FBXL13: variants seen among roughly 807,000 people sequenced by gnomAD.
FBXL13 encodes F-box and leucine rich repeat protein 13.
In FBXL13, 67 loss-of-function variants were observed where a neutral mutation model predicts 83.6. That is an observed-to-expected ratio of 0.80 (90% CI 0.66 to 0.98). The LOEUF is 0.98. FBXL13 is among the 50% of genes least tolerant of loss of function. The pLI is 0.00. For missense variants in FBXL13, 822 were observed against 866.5 expected (o/e 0.95, Z 0.64); for synonymous variants, 272 against 299.5 (o/e 0.91, Z 0.95).
chr7:102,884,470 CTTTT>C (rs988494099), intron 11 of FBXL13, among the ~76,000 whole-genome samples, 158 bp from the exon 13 acceptor site: 2 of 151,870 alleles, frequency 1.3e-5, no homozygotes, highest in African/African-American at 2.4e-5. Flanking sequence ...GTCTTGATTT[CTTTT>C]TTTTATTTAA....
chr7:102,947,862 G>A (rs563720857), intron 8 of FBXL13, among the ~76,000 whole-genome samples: 2 of 152,100 alleles, frequency 1.3e-5, no homozygotes, highest in East Asian at 3.9e-4. Context: ...TATAAACGGA[G>A]TCCTCCTGAG....
At chr7:102,963,687 C>T in intron 7 of FBXL13, 22 bp from the exon 9 acceptor site, 1 of 1,575,500 alleles carries the variant, frequency 6.3e-7, no homozygotes, top group Non-Finnish European at 8.6e-7. Context: ...AAACAAAATG[C>T]ATTAAGAAAT....
At chr7:102,860,980 TATATATATATACACACAC>T (rs931824935) in intron 16 of FBXL13, among the ~76,000 whole-genome samples, 7 of 145,696 alleles carry the variant, frequency 4.8e-5, no homozygotes, top group Admixed American at 2.0e-4. Context: ...TATATATAGT[TATATATATATACACACAC>T]ATATATATAT....
chr7:102,882,697 G>C (rs1810264501), intron 14 of FBXL13, among the ~76,000 whole-genome samples: 1 of 152,158 alleles, frequency 6.6e-6, no homozygotes, highest in East Asian at 1.9e-4. Context: ...GGGAGGCAGA[G>C]GTTGCAGTGA....
At position 103,007,697 on chromosome 7, in the gene FBXL13, T is replaced by C. The variant is rs201044646; in HGVS notation, c.495+17366A>G. ...AGTTTTTCTGGGGTTTTAATTTCTTTAAAAAATAATTGAACCCCTTCCGTT... is the reference window on the plus strand; with the variant it reads ...AGTTTTTCTGGGGTTTTAATTTCTTCAAAAAATAATTGAACCCCTTCCGTT... On this transcript the variant is annotated intron_variant, in intron 6 of 19. Coordinates refer to ENST00000313221, the Ensembl canonical transcript of FBXL13. Among the ~76,000 whole-genome samples, 30 of 152,194 alleles carry C rather than the reference T, an allele frequency of 2.0e-4. No homozygotes were observed. The East Asian group carries it at 5.4e-3, about 27-fold the overall frequency.
chr7:102,900,818 A>C (rs1812872724), intron 11 of FBXL13, among the ~76,000 whole-genome samples: 1 of 152,238 alleles, frequency 6.6e-6, no homozygotes, highest in Non-Finnish European at 1.5e-5. Flanking sequence ...TGAATTATTA[A>C]ATGAACAGAT....
chr7:102,882,898 A>C (rs941134088), intron 14 of FBXL13, among the ~76,000 whole-genome samples: 1 of 152,176 alleles, frequency 6.6e-6, no homozygotes, highest in African/African-American at 2.4e-5. Context: ...TTTGTCAGAA[A>C]TTCTTCACAG....
chr7:102,867,695 ATTT>A (rs1205859622), intron 16 of FBXL13, among the ~76,000 whole-genome samples: 343 of 48,844 alleles, frequency 7.0e-3, no homozygotes, highest in African/African-American at 0.025. Flanking sequence ...ATATATATAT[ATTT>A]TTTTTTTTTT....
At chr7:103,056,818 T>C (rs1482263143) in intron 1 of FBXL13, among the ~76,000 whole-genome samples, 1 of 150,240 alleles carries the variant, frequency 6.7e-6, no homozygotes, top group African/African-American at 2.4e-5. Flanking sequence ...CACGCCAACA[T>C]CTATTTTTTT....
At chr7:103,053,373 G>A (rs1306031803) in intron 2 of FBXL13, among the ~76,000 whole-genome samples, 4 of 149,504 alleles carry the variant, frequency 2.7e-5, no homozygotes, top group Non-Finnish European at 6.0e-5. Context: ...GGCTGCTCTC[G>A]AACTTCTGAC....
Position 102,867,903 on chromosome 7 carries a change from C to T in FBXL13, c.1635+9564G>A, listed in dbSNP as rs182187647. ...ATTTTTGGTAGAGACGGGGTTTCAC[C>T]GTGTTAGCCAGGATGGTCTCGATCT... is the stretch of plus-strand genomic sequence containing the variant. On this transcript the variant is annotated intron_variant, in intron 16 of 19. Coordinates refer to ENST00000313221, the Ensembl canonical transcript of FBXL13. Among the ~76,000 whole-genome samples, 857 of 151,126 alleles carry T rather than the reference C, an allele frequency of 5.7e-3. 10 individuals carry two copies. Among genetic ancestry groups the T allele is most frequent in the African/African-American group, 0.019 (795 of 41,112 alleles).
intron 8 of FBXL13, among the ~76,000 whole-genome samples, chr7:102,949,538 G>A (rs994360923): frequency 6.6e-6 from 1 of 151,958 alleles, no homozygotes; most frequent in African/African-American, 2.4e-5. Flanking sequence ...AAATGGGTTT[G>A]ATTAAATAAT....
intron 16 of FBXL13, among the ~76,000 whole-genome samples, chr7:102,861,091 G>A (rs1012188360): frequency 6.6e-6 from 1 of 151,770 alleles, no homozygotes. Flanking sequence ...AATATTTCAT[G>A]TGCATCTCCT....
chr7:102,982,806 T>C (rs1828423897), intron 6 of FBXL13, among the ~76,000 whole-genome samples: 1 of 152,164 alleles, frequency 6.6e-6, no homozygotes, highest in African/African-American at 2.4e-5. Context: ...CAGTCTTGGG[T>C]ATGTCTTTAT....
At chr7:103,034,009 C>T (rs1585468506) in intron 2 of FBXL13, among the ~76,000 whole-genome samples, 2 of 137,808 alleles carry the variant, frequency 1.5e-5, no homozygotes, top group Non-Finnish European at 3.4e-5. Flanking sequence ...TAGCTAGATA[C>T]AGAGTGTCGA....
chr7:103,021,874 C>T (rs375331966), intron 6 of FBXL13, among the ~76,000 whole-genome samples: 12 of 152,064 alleles, frequency 7.9e-5, no homozygotes, highest in East Asian at 1.9e-4. Context: ...ACTTTTACAC[C>T]GTTGGTGGGA....
intron 17 of FBXL13, among the ~76,000 whole-genome samples, chr7:102,849,559 G>T (rs990940417): frequency 6.6e-6 from 1 of 152,172 alleles, no homozygotes; most frequent in Non-Finnish European, 1.5e-5. Flanking sequence ...TCTAAGTAAC[G>T]AGAGAGCATT....
intron 17 of FBXL13, among the ~76,000 whole-genome samples, chr7:102,838,757 T>C (rs183440311): frequency 4.6e-5 from 7 of 152,288 alleles, no homozygotes; most frequent in African/African-American, 1.7e-4. Flanking sequence ...GTAAAAGTCA[T>C]CGCCATTCTG....
At chr7:102,902,280 A>G (rs1467032405) in intron 11 of FBXL13, among the ~76,000 whole-genome samples, 1 of 152,114 alleles carries the variant, frequency 6.6e-6, no homozygotes, top group Non-Finnish European at 1.5e-5. Context: ...TGATAGAACT[A>G]TTAGAATTTT....
Sources: allele counts gnomAD v4.1 joint callset (sites outside exome capture counted in the v4.1 genomes callset), GRCh38; gene constraint gnomAD v4.1.1; transcripts MANE v1.5; gene names NCBI Gene and HGNC (gene_info 2026-07-23, HGNC 2026-07-21).